The following TSC22D2 variants were observed in gnomAD, a reference collection of about 807,000 sequenced individuals.
The protein encoded by TSC22D2 is TSC22 domain family member 2, also known as TSC22 domain family protein 2.
A neutral mutation model predicts 50.1 loss-of-function variants in TSC22D2; 5 were observed. The ratio of observed to expected loss-of-function variants is 0.10; its 90% CI spans 0.05 to 0.21. The LOEUF (loss-of-function observed/expected upper bound fraction) is 0.21. Among genes scored for constraint, TSC22D2 ranks in the 10% least tolerant of loss-of-function variants. The pLI, the probability that TSC22D2 is intolerant of heterozygous loss-of-function variation, is 1.00. For synonymous variants in TSC22D2, 501 were observed against 450.1 expected (o/e 1.11, Z -1.43); for missense variants, 1,003 against 1,015.5 (o/e 0.99, Z 0.17).
At chr3:150,411,589 G>A (rs548664962) in intron 1 of TSC22D2, among the ~76,000 whole-genome samples, 1 of 152,274 alleles carries the variant, frequency 6.6e-6, no homozygotes, top group South Asian at 2.1e-4. Context: ...CCATTTAATG[G>A]TGGTAGCTAG....
At chr3:150,425,565 T>A (rs1459595766) in intron 1 of TSC22D2, among the ~76,000 whole-genome samples, 1 of 152,172 alleles carries the variant, frequency 6.6e-6, no homozygotes, top group Non-Finnish European at 1.5e-5. Context: ...GTCCCTAACG[T>A]TATCTTCTAC....
At chr3:150,447,551 TCTTTATTTGCAGTG>T (rs1027263829) in intron 1 of TSC22D2, among the ~76,000 whole-genome samples, 1 of 152,156 alleles carries the variant, frequency 6.6e-6, no homozygotes, top group East Asian at 1.9e-4. Flanking sequence ...TCTTTTCTCG[TCTTTATTTGCAGTG>T]CTTTATTTGC....
At position 150,425,251 on chromosome 3, in the gene TSC22D2, G is replaced by A. The variant is rs529856465; in HGVS notation, c.1958+13943G>A. Among the ~76,000 whole-genome samples the A allele has an allele frequency of 3.3e-5, 5 of 152,204 alleles. No homozygotes were observed. The South Asian group carries it at 1.0e-3, about 32-fold the overall frequency. Reference sequence around the variant, plus strand: ...TATTAAAGAGAGACATAGACTGGGCGCAGTGGCTCCCGCCTGTAATCCCAG... The same window carrying A: ...TATTAAAGAGAGACATAGACTGGGCACAGTGGCTCCCGCCTGTAATCCCAG... On this transcript the variant is annotated intron_variant, in intron 1 of 2. Transcript: ENST00000688009.
chr3:150,417,576 G>T (rs928953160), intron 1 of TSC22D2, among the ~76,000 whole-genome samples: 2 of 152,074 alleles, frequency 1.3e-5, no homozygotes, highest in African/African-American at 2.4e-5. Flanking sequence ...TGAGCTAGTT[G>T]GTGTAGATGC....
Position 150,409,131 on chromosome 3 carries a change from G to T in TSC22D2, c.-220G>T. ...AGGAGCCGCCGCGGGACTGAGACGG[G>T]GGCAGAGCCGAAGAGACCGACACAG... On this transcript the variant is annotated 5_prime_UTR_variant, in exon 1 of 3. Coordinates refer to ENST00000688009, the MANE Select transcript of TSC22D2 (RefSeq NM_001303264.2). This position sits in a 1 kb window ranked among gnomAD's most constrained non-coding sequence, Gnocchi z 7.4. 1 of 458,364 alleles carries T rather than the reference G, an allele frequency of 2.2e-6. No individual in the cohort carries two copies. Among genetic ancestry groups the T allele is most frequent in the East Asian group, 3.2e-5 (1 of 30,826 alleles). 28.4% of individuals were successfully genotyped at this position (458,364 alleles called of 1,614,324 possible).
intron 1 of TSC22D2, among the ~76,000 whole-genome samples, chr3:150,416,936 G>A (rs1264464329): frequency 6.6e-6 from 1 of 151,966 alleles, no homozygotes; most frequent in Admixed American, 6.6e-5. Flanking sequence ...TGATTCCTTT[G>A]TACCCAAGCT....
intron 1 of TSC22D2, among the ~76,000 whole-genome samples, chr3:150,432,131 TG>T (rs1476254897): frequency 6.6e-6 from 1 of 152,182 alleles, no homozygotes; most frequent in Non-Finnish European, 1.5e-5. Flanking sequence ...CTAGCTGAAG[TG>T]GGACACTAAA....
intron 1 of TSC22D2, among the ~76,000 whole-genome samples, chr3:150,449,159 C>T (rs927138249): frequency 3.3e-5 from 5 of 152,008 alleles, no homozygotes; most frequent in African/African-American, 7.2e-5. Context: ...AATATAGTAC[C>T]TTATCTTGCA....
intron 1 of TSC22D2, among the ~76,000 whole-genome samples, chr3:150,414,252 G>A (rs9844184): frequency 0.76 from 115,256 of 152,154 alleles, 44,036 homozygotes; most frequent in South Asian, 0.84. Flanking sequence ...AGACTCTTCA[G>A]ATTGATTTTG....
intron 1 of TSC22D2, chr3:150,423,054 C>T: frequency 6.2e-7 from 1 of 1,612,978 alleles, no homozygotes; most frequent in Non-Finnish European, 8.5e-7. Context: ...CACAGGAATC[C>T]TTCAACTGCT....
At chr3:150,452,875 A>G (rs1721083636) in intron 1 of TSC22D2, among the ~76,000 whole-genome samples, 1 of 152,188 alleles carries the variant, frequency 6.6e-6, no homozygotes, top group Admixed American at 6.5e-5. Context: ...ATGCTAATAA[A>G]TGTTTGATTT....
At chr3:150,425,575 C>T (rs1209964905) in intron 1 of TSC22D2, among the ~76,000 whole-genome samples, 2 of 152,148 alleles carry the variant, frequency 1.3e-5, no homozygotes, top group African/African-American at 4.8e-5. Flanking sequence ...TTATCTTCTA[C>T]ATTATCTATT....
intron 1 of TSC22D2, among the ~76,000 whole-genome samples, chr3:150,439,323 T>C (rs374907020): frequency 6.6e-6 from 1 of 152,320 alleles, no homozygotes; most frequent in African/African-American, 2.4e-5. Flanking sequence ...CCTTTGCCCA[T>C]TCTGCCTTTT....
intron 1 of TSC22D2, among the ~76,000 whole-genome samples, chr3:150,413,730 G>A (rs1413760180): frequency 6.6e-6 from 1 of 151,944 alleles, no homozygotes; most frequent in Non-Finnish European, 1.5e-5. Context: ...ATTTTAATGT[G>A]ATTTTGGGTT....
chr3:150,463,135 C>T lies in TSC22D2; in HGVS notation c.*4499C>T, dbSNP rs1721465278. Reference sequence around the variant, plus strand: ...CACTATGCCTGTCTCTCAATTCTACCCTAAAGGTAAACTAAATGGAATCCT... The same window carrying T: ...CACTATGCCTGTCTCTCAATTCTACTCTAAAGGTAAACTAAATGGAATCCT... On this transcript the variant is annotated 3_prime_UTR_variant, in exon 3 of 3. Coordinates refer to ENST00000688009, the MANE Select transcript of TSC22D2 (RefSeq NM_001303264.2). 1 of 152,100 alleles carries T rather than the reference C, an allele frequency of 6.6e-6. No homozygotes were observed. The highest frequency in any genetic ancestry group is 6.5e-5 in the Admixed American group (1 of 15,272). The allele number at this position is 152,100 out of a possible 1,614,324, so 9.4% of individuals were successfully genotyped here.
intron 1 of TSC22D2, among the ~76,000 whole-genome samples, chr3:150,421,657 G>C (rs564423551): frequency 6.6e-6 from 1 of 152,164 alleles, no homozygotes; most frequent in East Asian, 1.9e-4. Flanking sequence ...CAGTTACTTT[G>C]GTGATTCTCT....
In TSC22D2 at chr3:150,409,316, C is replaced by G; in HGVS notation, c.-35C>G. The G allele has an allele frequency of 6.4e-7, 1 of 1,552,548 alleles. No individual in the cohort carries two copies. On this transcript the variant is annotated 5_prime_UTR_variant, in exon 1 of 3. Coordinates refer to ENST00000688009, the MANE Select transcript of TSC22D2 (RefSeq NM_001303264.2). This position sits in a 1 kb window ranked among gnomAD's most constrained non-coding sequence, Gnocchi z 7.4. ...CGGTTTCCGACAGGACCCAGAGGAG[C>G]CGGCGTGCCTCTCTGCCCTCCAGCC...
rs188760137 is a variant in TSC22D2 at position 150,438,680 on chromosome 3, T to C, written c.1959-18396T>C. Among the ~76,000 whole-genome samples the C allele has an allele frequency of 6.2e-3, 943 of 152,258 alleles. 15 individuals carry two copies. Among genetic ancestry groups the C allele is most frequent in the African/African-American group, 0.022 (903 of 41,552 alleles). ...GAACCCAAATACTTTTTAGGTGTTA[T>C]ACCAGGAGATATTTGAGAAATAATA... On this transcript the variant is annotated intron_variant, in intron 1 of 2. Transcript: ENST00000688009.
rs916329531 is a variant in TSC22D2, at chr3:150,465,352, C to T, written c.*6716C>T. 2.0e-5 allele frequency: 3 copies of T among 152,074 alleles called. No individual in the cohort carries two copies. Among genetic ancestry groups the T allele is most frequent in the Non-Finnish European group, 2.9e-5 (2 of 67,994 alleles). The allele number at this position is 152,074 out of a possible 1,614,324, so 9.4% of individuals were successfully genotyped here. The stretch of plus-strand genomic sequence containing the variant: ...ATCTCAGCAAAATAAGGGAAGTGCA[C>T]ATTAAAACACAAGAAACCATCTCAG... On this transcript the variant is annotated 3_prime_UTR_variant, in exon 3 of 3. Coordinates refer to ENST00000688009, the MANE Select transcript of TSC22D2 (RefSeq NM_001303264.2).
Sources: allele counts gnomAD v4.1 joint callset (sites outside exome capture counted in the v4.1 genomes callset), GRCh38; gene constraint gnomAD v4.1.1; non-coding constraint Gnocchi (gnomAD v3.1); transcripts MANE v1.5; gene names NCBI Gene and HGNC (gene_info 2026-07-23, HGNC 2026-07-21).